The following PRKAG2 variants were observed in gnomAD, a reference collection of about 807,000 sequenced individuals.
The protein encoded by PRKAG2 is 5'-AMP-activated protein kinase subunit gamma-2.
PRKAG2 carries 26 observed loss-of-function variants against 69.6 expected under a neutral mutation model. The ratio of observed to expected loss-of-function variants is 0.37; its 90% CI spans 0.27 to 0.52. PRKAG2 has a LOEUF of 0.52. Ranked by LOEUF, PRKAG2 falls within the 20% of genes least tolerant of loss-of-function variation. The pLI, the probability that PRKAG2 is intolerant of heterozygous loss-of-function variation, is 0.90. For missense variants in PRKAG2, 557 were observed against 740.0 expected (o/e 0.75, Z 2.87); for synonymous variants, 293 against 285.0 (o/e 1.03, Z -0.28).
intron 5 of PRKAG2, among the ~76,000 whole-genome samples, chr7:151,597,522 T>C (rs1408334547): frequency 6.6e-6 from 1 of 152,146 alleles, no homozygotes; most frequent in Non-Finnish European, 1.5e-5. Flanking sequence ...TTGCAAACTA[T>C]ACATCTGATA....
chr7:151,806,198 G>T (rs552541640), intron 1 of PRKAG2, among the ~76,000 whole-genome samples: 1 of 152,204 alleles, frequency 6.6e-6, no homozygotes, highest in Non-Finnish European at 1.5e-5. Flanking sequence ...CAACAACTAT[G>T]ACAACAACAA....
In PRKAG2 at chr7:151,556,138, A is replaced by G. The variant is rs1268809300; in HGVS notation, c.*1063T>C. 6.7e-6 allele frequency: 1 copy of G among 148,854 alleles called. No homozygotes were observed. The highest frequency in any genetic ancestry group is 1.5e-5 in the Non-Finnish European group (1 of 67,502). 9.2% of individuals were successfully genotyped at this position (148,854 alleles called of 1,614,324 possible). A position where few individuals can be genotyped will look rare whatever the true frequency, so the allele number is the denominator to read the frequency against. On this transcript the variant is annotated 3_prime_UTR_variant, in exon 16 of 16. Transcript: ENST00000287878. ...CTTTAACAAAATGGTAGATAGTAGGATCTATTTTAATTTTTCAATCTGAAA... is the reference window on the plus strand; with the variant it reads ...CTTTAACAAAATGGTAGATAGTAGGGTCTATTTTAATTTTTCAATCTGAAA...
At chr7:151,872,138 G>C (rs1049070682) in intron 1 of PRKAG2, among the ~76,000 whole-genome samples, 2 of 152,158 alleles carry the variant, frequency 1.3e-5, no homozygotes, top group African/African-American at 4.8e-5. Context: ...TTTCCCCCAA[G>C]AACCGGCCCC....
intron 4 of PRKAG2, among the ~76,000 whole-genome samples, chr7:151,641,207 C>T (rs1290588253): frequency 5.9e-5 from 9 of 151,566 alleles, no homozygotes; most frequent in Admixed American, 4.6e-4. Context: ...CTTGCCACCA[C>T]CCTACAATTT....
chr7:151,781,006 TG>T lies in PRKAG2; in HGVS notation c.466+145del. On this transcript the variant is annotated intron_variant, in intron 3 of 15. Coordinates refer to ENST00000287878, the MANE Select transcript of PRKAG2 (RefSeq NM_016203.4). The surrounding 1 kb of genome is among the most constrained non-coding windows in gnomAD (Gnocchi z 6.1). The stretch of plus-strand genomic sequence containing the variant: ...GGAGAGAGATTTGTTTAGGGGGAAG[TG>T]GGGGTGGGGAGAAACAGATACAGGC... The T allele has an allele frequency of 9.5e-7, 1 of 1,050,916 alleles. No individual in the cohort carries two copies. The highest frequency in any genetic ancestry group is 1.4e-6 in the Non-Finnish European group (1 of 694,132). The allele number at this position is 1,050,916 out of a possible 1,614,324, so 65.1% of individuals were successfully genotyped here.
chr7:151,820,501 G>GTCTCCAA (rs1563728068), intron 1 of PRKAG2, among the ~76,000 whole-genome samples: 23 of 97,354 alleles, frequency 2.4e-4, no homozygotes, highest in East Asian at 1.3e-3. Context: ...CCGCTCCGTG[G>GTCTCCAA]CCTGGCCCCT....
intron 5 of PRKAG2, among the ~76,000 whole-genome samples, chr7:151,599,085 C>T (rs781567343): frequency 3.9e-5 from 6 of 152,088 alleles, no homozygotes; most frequent in Non-Finnish European, 7.4e-5. Flanking sequence ...CTCCTGACCT[C>T]AGGTGATCTT....
At chr7:151,750,585 C>A (rs1461037821) in intron 3 of PRKAG2, among the ~76,000 whole-genome samples, 1 of 152,102 alleles carries the variant, frequency 6.6e-6, no homozygotes, top group Non-Finnish European at 1.5e-5. Flanking sequence ...TTAGCATCTG[C>A]TAAGAGCTGT....
chr7:151,826,418 G>A (rs1185577975), intron 1 of PRKAG2, among the ~76,000 whole-genome samples: 2 of 151,966 alleles, frequency 1.3e-5, no homozygotes, highest in African/African-American at 4.8e-5. Context: ...CCTGATCTTA[G>A]GTGATCCACT....
chr7:151,593,638 T>C (rs1378458808), intron 6 of PRKAG2, among the ~76,000 whole-genome samples: 1 of 152,224 alleles, frequency 6.6e-6, no homozygotes, highest in Non-Finnish European at 1.5e-5. Flanking sequence ...GAACTTCTCA[T>C]TATTTTGTTA....
At chr7:151,557,448 T>C (rs1803989079) in intron 15 of PRKAG2, 1 of 985,342 alleles carries the variant, frequency 1.0e-6, no homozygotes, top group Non-Finnish European at 1.2e-6. Context: ...ATTCTAAATA[T>C]GTCAGATTTA....
chr7:151,656,192 C>A (rs375861148), intron 4 of PRKAG2, among the ~76,000 whole-genome samples: 2 of 152,166 alleles, frequency 1.3e-5, no homozygotes, highest in East Asian at 3.9e-4. Flanking sequence ...GAATGAGTCA[C>A]GAAAAACTGG....
chr7:151,853,908 G>C (rs1245740480), intron 1 of PRKAG2, among the ~76,000 whole-genome samples: 3 of 151,980 alleles, frequency 2.0e-5, no homozygotes, highest in Admixed American at 2.0e-4. Flanking sequence ...CCAAACCGAG[G>C]CTCCTCCTAT....
intron 1 of PRKAG2, among the ~76,000 whole-genome samples, chr7:151,860,024 C>T (rs1469843585): frequency 2.0e-5 from 3 of 152,188 alleles, no homozygotes; most frequent in East Asian, 1.9e-4. Flanking sequence ...GCTGGGCTGA[C>T]GGAGGTGGCC....
intron 3 of PRKAG2, among the ~76,000 whole-genome samples, chr7:151,773,806 C>G (rs921943273): frequency 6.6e-6 from 1 of 152,174 alleles, no homozygotes; most frequent in African/African-American, 2.4e-5. Flanking sequence ...ATTCACTGTT[C>G]TGGAAGCTCC....
At chr7:151,687,640 G>A (rs747272966) in intron 3 of PRKAG2, among the ~76,000 whole-genome samples, 22 of 152,188 alleles carry the variant, frequency 1.4e-4, no homozygotes, top group Non-Finnish European at 2.9e-4. Context: ...CATTTTCGGT[G>A]GAGGAAGTGC....
chr7:151,850,533 C>T lies in PRKAG2; in HGVS notation c.114+25974G>A, dbSNP rs2079543350. 6.6e-6 allele frequency among the ~76,000 whole-genome samples: 1 copy of T among 152,220 alleles called. No homozygotes were observed. The highest frequency in any genetic ancestry group is 2.1e-4 in the South Asian group (1 of 4,834). ...GTTCAGAGATGGCATTGGCCATGCT[C>T]ATCAAAGCAGCCCAAGCTCACACTC... On this transcript the variant is annotated intron_variant, in intron 1 of 15. Coordinates refer to ENST00000287878, the MANE Select transcript of PRKAG2 (RefSeq NM_016203.4). The surrounding 1 kb of genome is among the most constrained non-coding windows in gnomAD (Gnocchi z 4.1).
intron 3 of PRKAG2, among the ~76,000 whole-genome samples, chr7:151,676,001 T>G (rs1383476742): frequency 1.3e-5 from 2 of 152,152 alleles, no homozygotes; most frequent in Admixed American, 1.3e-4. Flanking sequence ...ATCCCCTCAT[T>G]GGGAACGGGG....
chr7:151,631,408 C>T (rs1295466707), intron 5 of PRKAG2, among the ~76,000 whole-genome samples: 1 of 152,056 alleles, frequency 6.6e-6, no homozygotes, highest in African/African-American at 2.4e-5. Context: ...ATTAATTTTG[C>T]CAAAGAACGA....
Sources: allele counts gnomAD v4.1 joint callset (sites outside exome capture counted in the v4.1 genomes callset), GRCh38; gene constraint gnomAD v4.1.1; non-coding constraint Gnocchi (gnomAD v3.1); transcripts MANE v1.5; gene names NCBI Gene and HGNC (gene_info 2026-07-23, HGNC 2026-07-21).